GNE: variants seen among roughly 807,000 people sequenced by gnomAD.
GNE encodes the protein glucosamine (UDP-N-acetyl)-2-epimerase/N-acetylmannosamine kinase.
Under a neutral mutation model 61.8 loss-of-function variants are expected in GNE, and 41 were observed. The ratio of observed to expected loss-of-function variants is 0.66; its 90% CI spans 0.52 to 0.86. The LOEUF is 0.86. Among genes scored for constraint, GNE ranks in the 40% least tolerant of loss-of-function variants. GNE has a pLI of 0.00. For missense variants in GNE, 608 were observed against 909.1 expected (o/e 0.67, Z 4.26); for synonymous variants, 264 against 326.4 (o/e 0.81, Z 2.06).
intron 1 of GNE, among the ~76,000 whole-genome samples, chr9:36,274,872 G>A (rs965489484): frequency 1.3e-5 from 2 of 151,952 alleles, no homozygotes; most frequent in Non-Finnish European, 2.9e-5. Context: ...ACAGGCACCC[G>A]CCATCATGCC....
intron 2 of GNE, among the ~76,000 whole-genome samples, chr9:36,247,120 G>A (rs942741219): frequency 2.6e-4 from 39 of 151,564 alleles, no homozygotes; most frequent in Non-Finnish European, 1.2e-4. Flanking sequence ...GCAGTGGTGC[G>A]ATCTTGACTC....
upstream of GNE, among the ~76,000 whole-genome samples, chr9:36,260,628 G>C (rs1406905549): frequency 6.6e-6 from 1 of 152,052 alleles, no homozygotes; most frequent in Non-Finnish European, 1.5e-5. Context: ...CTAGCACTTT[G>C]GGAGGCCGAG....
intron 4 of GNE, 24 bp downstream of exon 4, chr9:36,236,808 A>G: frequency 6.2e-7 from 1 of 1,609,238 alleles, no homozygotes; most frequent in Non-Finnish European, 8.5e-7. Context: ...TAGGTGGCAT[A>G]ATTTCATTTT....
chr9:36,245,517 T>C (rs1373992043), intron 3 of GNE, among the ~76,000 whole-genome samples: 1 of 151,550 alleles, frequency 6.6e-6, no homozygotes, highest in Non-Finnish European at 1.5e-5. Flanking sequence ...AAATTAAAAA[T>C]AGAAAAATTA....
At chr9:36,254,961 AT>A (rs964719960) in intron 1 of GNE, among the ~76,000 whole-genome samples, 10 of 152,250 alleles carry the variant, frequency 6.6e-5, no homozygotes, top group East Asian at 1.9e-4. Context: ...TCAAAAAAAA[AT>A]AATTGGGTTT....
chr9:36,228,906 G>A lies in GNE; in HGVS notation c.1070+115C>T, dbSNP rs561762479. The A allele has an allele frequency of 1.4e-4, 108 of 775,918 alleles. No individual in the cohort carries two copies. In the Middle Eastern group the frequency reaches 1.8e-3, roughly 13 times the overall value. 48.1% of individuals were successfully genotyped at this position (775,918 alleles called of 1,614,324 possible). Reference sequence around the variant, plus strand: ...CTGTCTCCCCAGCAACTAGGGGCCCGTAGGCATAAGAAGGAAAGCTCTGTT... The same window carrying A: ...CTGTCTCCCCAGCAACTAGGGGCCCATAGGCATAAGAAGGAAAGCTCTGTT... On this transcript the variant is annotated intron_variant, in intron 6 of 11. Coordinates refer to ENST00000642385, the MANE Select transcript of GNE (RefSeq NM_005476.7).
chr9:36,231,453 A>AAAAC (rs1046093333), intron 5 of GNE, among the ~76,000 whole-genome samples: 9 of 152,362 alleles, frequency 5.9e-5, no homozygotes, highest in South Asian at 4.1e-4. Context: ...AGACAAAAAC[A>AAAAC]AAACAAACAA....
upstream of GNE, among the ~76,000 whole-genome samples, chr9:36,261,234 G>A (rs1830607706): frequency 6.6e-6 from 1 of 152,154 alleles, no homozygotes; most frequent in Non-Finnish European, 1.5e-5. Flanking sequence ...TGCCAAGTAA[G>A]GAAACATGGT....
chr9:36,223,227 G>GTCCC (rs1229580086), intron 8 of GNE, 146 bp downstream of exon 8: 8 of 839,858 alleles, frequency 9.5e-6, no homozygotes, highest in Non-Finnish European at 1.6e-5. Flanking sequence ...GTCCCAGGAA[G>GTCCC]TCCCCATGCT....
rs887832967 is a variant in GNE, at chr9:36,226,420, G to C, written c.1281+828C>G. 2.6e-5 allele frequency among the ~76,000 whole-genome samples: 4 copies of C among 151,452 alleles called. No individual in the cohort carries two copies. In the South Asian group the frequency reaches 6.2e-4, roughly 24 times the overall value. ...GCTGGTCTGAAACTCCTGACCTTAA[G>C]TGATCTGCCCACCTGGACTTCCCAA... On this transcript the variant is annotated intron_variant, in intron 7 of 11. Transcript: ENST00000642385.
intron 3 of GNE, among the ~76,000 whole-genome samples, chr9:36,244,939 CA>C (rs200558832): frequency 0.038 from 3,612 of 94,038 alleles, 123 homozygotes; most frequent in African/African-American, 0.12. Flanking sequence ...GACTCCATCT[CA>C]AAAAAAAAAA....
intron 5 of GNE, among the ~76,000 whole-genome samples, chr9:36,233,393 G>A (rs896499750): frequency 5.9e-5 from 9 of 152,172 alleles, no homozygotes; most frequent in Non-Finnish European, 1.3e-4. Flanking sequence ...TAGGCTGGGC[G>A]CGGTGGCTCA....
chr9:36,252,452 T>A (rs1260506176), intron 1 of GNE, among the ~76,000 whole-genome samples: 13 of 152,234 alleles, frequency 8.5e-5, no homozygotes, highest in Non-Finnish European at 1.8e-4. Context: ...CAATTTGTAT[T>A]TATTTTACAA....
chr9:36,233,007 C>T (rs919307976), intron 5 of GNE, among the ~76,000 whole-genome samples: 4 of 152,156 alleles, frequency 2.6e-5, no homozygotes, highest in African/African-American at 9.7e-5. Context: ...CTAAATATAA[C>T]AGAAAGGTGG....
chr9:36,270,097 G>T (rs1023309102), intron 1 of GNE, among the ~76,000 whole-genome samples: 3 of 152,026 alleles, frequency 2.0e-5, no homozygotes, highest in Admixed American at 6.6e-5. Context: ...AAGTAGCTGG[G>T]ACTTAAAGCA....
At chr9:36,239,351 C>T (rs1411623184) in intron 3 of GNE, among the ~76,000 whole-genome samples, 6 of 152,116 alleles carry the variant, frequency 3.9e-5, no homozygotes, top group Non-Finnish European at 8.8e-5. Flanking sequence ...ATCAACTCTA[C>T]CCATCCATGA....
chr9:36,248,066 C>G (rs1047432178), intron 2 of GNE, among the ~76,000 whole-genome samples: 5 of 150,434 alleles, frequency 3.3e-5, no homozygotes, highest in African/African-American at 9.8e-5. Flanking sequence ...GATCCCTGAG[C>G]TATCCATTAA....
chr9:36,248,536 C>T (rs973786046), intron 2 of GNE, among the ~76,000 whole-genome samples: 1 of 151,276 alleles, frequency 6.6e-6, no homozygotes, highest in African/African-American at 2.4e-5. Flanking sequence ...GTTGGCCAGG[C>T]TGGTCTCAAA....
intron 3 of GNE, among the ~76,000 whole-genome samples, chr9:36,239,962 G>A (rs1446592535): frequency 1.3e-5 from 2 of 151,524 alleles, no homozygotes; most frequent in Non-Finnish European, 2.9e-5. Context: ...TTGATTCTCC[G>A]CTTGGTCGCT....
Sources: allele counts gnomAD v4.1 joint callset (sites outside exome capture counted in the v4.1 genomes callset), GRCh38; gene constraint gnomAD v4.1.1; transcripts MANE v1.5; gene names NCBI Gene and HGNC (gene_info 2026-07-23, HGNC 2026-07-21).